Variants in XXYLT1 observed in about 807,000 individuals in gnomAD.
XXYLT1 encodes the protein UDP-xylose:alpha-xyloside alpha-1,3-xylosyltransferase.
In XXYLT1, 20 loss-of-function variants were observed where a neutral mutation model predicts 28.9. The ratio of observed to expected loss-of-function variants is 0.69; its 90% CI spans 0.49 to 1.00. The LOEUF is 1.00. XXYLT1 is among the 50% of genes least tolerant of loss of function. The pLI is 0.00. For missense variants in XXYLT1, 542 were observed against 560.1 expected (o/e 0.97, Z 0.33); for synonymous variants, 257 against 253.8 (o/e 1.01, Z -0.12).
chr3:195,078,477 G>A lies in XXYLT1; in HGVS notation c.786-8366C>T, dbSNP rs950572354. Among the ~76,000 whole-genome samples, 6 of 151,858 alleles carry A rather than the reference G, an allele frequency of 4.0e-5. No individual in the cohort carries two copies. Among genetic ancestry groups the A allele is most frequent in the Non-Finnish European group, 8.8e-5 (6 of 67,946 alleles). On this transcript the variant is annotated intron_variant, in intron 3 of 3. Coordinates refer to ENST00000310380, the MANE Select transcript of XXYLT1 (RefSeq NM_152531.5). This position sits in a 1 kb window ranked among gnomAD's most constrained non-coding sequence, Gnocchi z 5.0. ...CCCACTGTGCCTCCTCCAGCCTCTC[G>A]TGCCCTGGCCCTCTGGGCACGAGAT...
chr3:195,079,616 C>T (rs1029626216), intron 3 of XXYLT1, among the ~76,000 whole-genome samples: 1 of 152,092 alleles, frequency 6.6e-6, no homozygotes, highest in Non-Finnish European at 1.5e-5. Flanking sequence ...AGCTCTAAAA[C>T]GCTTGCCCGA....
At chr3:195,183,881 G>C (rs186646753) in intron 2 of XXYLT1, among the ~76,000 whole-genome samples, 1 of 152,180 alleles carries the variant, frequency 6.6e-6, no homozygotes, top group Non-Finnish European at 1.5e-5. Flanking sequence ...AAACTGGAAG[G>C]CCTGACACTT....
At chr3:195,179,571 C>T (rs1721847103) in intron 2 of XXYLT1, among the ~76,000 whole-genome samples, 1 of 152,034 alleles carries the variant, frequency 6.6e-6, no homozygotes, top group Non-Finnish European at 1.5e-5. Flanking sequence ...CTGAAGAGGC[C>T]TGCGTGTGTG....
intron 2 of XXYLT1, among the ~76,000 whole-genome samples, chr3:195,225,663 G>A (rs1186354240): frequency 1.3e-5 from 2 of 152,096 alleles, no homozygotes; most frequent in Non-Finnish European, 2.9e-5. Flanking sequence ...TGGTTGATAT[G>A]GTTTGGCTGT....
intron 2 of XXYLT1, among the ~76,000 whole-genome samples, chr3:195,159,801 G>A (rs912902954): frequency 1.3e-5 from 2 of 152,144 alleles, no homozygotes; most frequent in East Asian, 1.9e-4. Context: ...CCACATGCAC[G>A]GCCCCAGTAC....
chr3:195,185,472 A>C (rs905643058), intron 2 of XXYLT1, among the ~76,000 whole-genome samples: 1 of 151,508 alleles, frequency 6.6e-6, no homozygotes, highest in Non-Finnish European at 1.5e-5. Flanking sequence ...CTTCAGGAGC[A>C]AAACTTTGGT....
At chr3:195,214,743 G>A (rs911232267) in intron 2 of XXYLT1, 3 of 152,184 alleles carry the variant, frequency 2.0e-5, no homozygotes, top group African/African-American at 7.2e-5. Context: ...CCTCCCCTTA[G>A]AAACATGTCT....
chr3:195,187,554 T>C (rs1722255952), intron 2 of XXYLT1, among the ~76,000 whole-genome samples: 1 of 152,216 alleles, frequency 6.6e-6, no homozygotes, highest in South Asian at 2.1e-4. Context: ...TAATAACTTG[T>C]CCTAGTGTTT....
At chr3:195,251,550 G>A (rs958295340) in intron 1 of XXYLT1, among the ~76,000 whole-genome samples, 2 of 152,178 alleles carry the variant, frequency 1.3e-5, no homozygotes, top group Admixed American at 1.3e-4. Flanking sequence ...GCCTGCAGCT[G>A]GAGGCACCCT....
At chr3:195,109,593 CGT>C (rs142991054) in intron 3 of XXYLT1, among the ~76,000 whole-genome samples, 10 of 130,838 alleles carry the variant, frequency 7.6e-5, no homozygotes, top group South Asian at 2.6e-4. Flanking sequence ...TATGAGTGCA[CGT>C]GTGTGTGGTG....
At chr3:195,242,567 G>A (rs557905100) in intron 1 of XXYLT1, among the ~76,000 whole-genome samples, 7 of 152,306 alleles carry the variant, frequency 4.6e-5, no homozygotes, top group East Asian at 1.9e-4. Context: ...CAGCTCACCC[G>A]TACAGAGACA....
rs142268277 is a variant in XXYLT1, at chr3:195,120,559, A to T, written c.785+35890T>A. Among the ~76,000 whole-genome samples, 617 of 152,258 alleles carry T rather than the reference A, an allele frequency of 4.1e-3. 5 individuals are homozygous for T. Among genetic ancestry groups the T allele is most frequent in the African/African-American group, 0.013 (558 of 41,550 alleles). On this transcript the variant is annotated intron_variant, in intron 3 of 3. Transcript: ENST00000310380. The stretch of plus-strand genomic sequence containing the variant: ...GTGCACCCCAATAACATTAACTAAC[A>T]TTATTATTCCTGTTCAGCTGTAGCA...
At position 195,156,481 on chromosome 3, in the gene XXYLT1, G is replaced by A. The variant is rs115171040; in HGVS notation, c.753C>T (p.Ile251=). The change falls in exon 3 of 4, where the codon ATC becomes ATT. Residue 251 remains isoleucine, a synonymous_variant. Coordinates refer to ENST00000310380, the MANE Select transcript of XXYLT1 (RefSeq NM_152531.5). The part of the protein sequence containing the change: ...EFDSFLPGAI[I]GIAREMQPVY... ...CTGGCTGCATCTCCCGGGCTATGCC[G>A]ATGATGGCGCCTGGCAGGAAACTGT... The A allele has an allele frequency of 7.4e-4, 1,187 of 1,614,186 alleles. 5 individuals are homozygous for A. The African/African-American group carries it at 0.014, about 18-fold the overall frequency.
chr3:195,132,338 G>A (rs1490527226), intron 3 of XXYLT1, among the ~76,000 whole-genome samples: 4 of 152,166 alleles, frequency 2.6e-5, no homozygotes, highest in East Asian at 3.9e-4. Context: ...ATGGCAGTGC[G>A]CGCCTATAGT....
intron 3 of XXYLT1, among the ~76,000 whole-genome samples, chr3:195,126,283 C>T (rs1188983452): frequency 2.6e-5 from 4 of 152,194 alleles, no homozygotes; most frequent in Non-Finnish European, 2.9e-5. Context: ...CAGAGCTAAG[C>T]GGTGGGGTAT....
intron 3 of XXYLT1, among the ~76,000 whole-genome samples, chr3:195,079,990 T>C (rs1406619953): frequency 1.3e-5 from 2 of 152,034 alleles, no homozygotes; most frequent in African/African-American, 4.8e-5. Flanking sequence ...CCAGAACTGT[T>C]AGTTTCAAAT....
intron 1 of XXYLT1, chr3:195,260,209 C>T (rs1003075067): frequency 6.6e-6 from 1 of 150,398 alleles, no homozygotes; most frequent in Non-Finnish European, 1.5e-5. Flanking sequence ...GCAGCGGCGC[C>T]CCCAGGCGGC....
chr3:195,075,651 G>T (rs1186781669), intron 3 of XXYLT1, among the ~76,000 whole-genome samples: 1 of 152,194 alleles, frequency 6.6e-6, no homozygotes, highest in Non-Finnish European at 1.5e-5. Context: ...CTAGCACTTG[G>T]AGGAGAGCTG....
At chr3:195,073,498 C>T (rs1192659372) in intron 3 of XXYLT1, among the ~76,000 whole-genome samples, 4 of 152,284 alleles carry the variant, frequency 2.6e-5, no homozygotes, top group African/African-American at 4.8e-5. Context: ...CTCATGCCCA[C>T]AACCCAGCCA....
Sources: gnomAD v4.1 joint callset for allele counts (sites outside exome capture counted in the v4.1 genomes callset) on GRCh38, gnomAD v4.1.1 for gene constraint, Gnocchi (gnomAD v3.1) non-coding constraint, MANE v1.5 for transcripts, NCBI Gene and HGNC (gene_info 2026-07-23, HGNC 2026-07-21) for gene names.